CADM1: variants seen among roughly 807,000 people sequenced by gnomAD.
CADM1 encodes cell adhesion molecule 1, also known as TSLC-1.
In CADM1, 15 loss-of-function variants were observed where a neutral mutation model predicts 53.1. The observed-to-expected ratio is 0.28, with a 90% CI of 0.19 to 0.44. CADM1 has a LOEUF of 0.44. Ranked by LOEUF, CADM1 falls within the 20% of genes least tolerant of loss-of-function variation. CADM1 has a pLI of 1.00. For missense variants in CADM1, 434 were observed against 611.3 expected (o/e 0.71, Z 3.06); for synonymous variants, 281 against 243.0 (o/e 1.16, Z -1.45).
chr11:115,351,002 T>C (rs930138775), intron 1 of CADM1, among the ~76,000 whole-genome samples: 5 of 152,002 alleles, frequency 3.3e-5, no homozygotes, highest in African/African-American at 9.7e-5. Context: ...CCAGTGTATA[T>C]TAACATTCCT....
chr11:115,232,038 T>C (rs10458966), intron 3 of CADM1, among the ~76,000 whole-genome samples: 62,317 of 150,478 alleles, frequency 0.41, 14,943 homozygotes, highest in Non-Finnish European at 0.53. Flanking sequence ...CAACAACCAA[T>C]GTCTCACTCT....
At chr11:115,497,059 A>C (rs1458078283) in intron 1 of CADM1, among the ~76,000 whole-genome samples, 1 of 152,172 alleles carries the variant, frequency 6.6e-6, no homozygotes, top group Non-Finnish European at 1.5e-5. Context: ...CTCAATTCCA[A>C]CTAGACACTG....
At chr11:115,347,985 CT>C (rs1945626753) in intron 1 of CADM1, among the ~76,000 whole-genome samples, 1 of 152,164 alleles carries the variant, frequency 6.6e-6, no homozygotes, top group South Asian at 2.1e-4. Flanking sequence ...GCTCTACTTC[CT>C]TTTACACAAT....
intron 9 of CADM1, among the ~76,000 whole-genome samples, chr11:115,195,227 T>G (rs760799702): frequency 4.3e-4 from 65 of 152,336 alleles, no homozygotes; most frequent in Non-Finnish European, 7.2e-4. Flanking sequence ...GAAAATCCAC[T>G]TGATTTTGAA....
At chr11:115,295,698 C>A (rs1944059676) in intron 1 of CADM1, among the ~76,000 whole-genome samples, 1 of 151,432 alleles carries the variant, frequency 6.6e-6, no homozygotes, top group Non-Finnish European at 1.5e-5. Flanking sequence ...TCTAAAGGAT[C>A]TACTACAATC....
intron 1 of CADM1, among the ~76,000 whole-genome samples, chr11:115,284,132 G>A (rs1336491625): frequency 1.7e-4 from 12 of 69,598 alleles, no homozygotes; most frequent in Non-Finnish European, 2.6e-4. Flanking sequence ...GTGTGTGTGT[G>A]TGTGTGTGTG....
chr11:115,258,922 G>C (rs1942876998), intron 1 of CADM1, among the ~76,000 whole-genome samples: 1 of 152,104 alleles, frequency 6.6e-6, no homozygotes, highest in South Asian at 2.1e-4. Flanking sequence ...ACAAATGGTA[G>C]TCATAGGTGC....
At position 115,493,131 on chromosome 11, in the gene CADM1, T is replaced by C. The variant is rs191320531; in HGVS notation, c.124+11140A>G. 1.0e-3 allele frequency among the ~76,000 whole-genome samples: 152 copies of C among 152,028 alleles called. 1 individual carries two copies. Among genetic ancestry groups the C allele is most frequent in the Non-Finnish European group, 1.8e-3 (125 of 67,938 alleles). ...GGGGCAGGAAAATACAATGTAAACA[T>C]AGATATCTTCTTGTGACATGAAATA... is the stretch of plus-strand genomic sequence containing the variant. On this transcript the variant is annotated intron_variant, in intron 1 of 11. Transcript: ENST00000331581.
intron 10 of CADM1, among the ~76,000 whole-genome samples, chr11:115,179,664 C>T (rs182255129): frequency 6.6e-6 from 1 of 152,204 alleles, no homozygotes; most frequent in East Asian, 1.9e-4. Context: ...TAGTAAAAAA[C>T]AATTATTCTC....
At chr11:115,307,517 A>AAAT (rs10673324) in intron 1 of CADM1, among the ~76,000 whole-genome samples, 25,720 of 143,962 alleles carry the variant, frequency 0.18, 2,967 homozygotes, top group East Asian at 0.59. Flanking sequence ...GGAAAAAAAA[A>AAAT]ATATATATAT....
intron 1 of CADM1, among the ~76,000 whole-genome samples, chr11:115,271,277 TTTG>T (rs140375460): frequency 1.8e-4 from 27 of 151,948 alleles, no homozygotes; most frequent in South Asian, 6.2e-4. Flanking sequence ...TTGTTGTTGT[TTTG>T]TTGTTGTTGT....
At chr11:115,264,888 G>A (rs902136092) in intron 1 of CADM1, among the ~76,000 whole-genome samples, 1 of 152,100 alleles carries the variant, frequency 6.6e-6, no homozygotes, top group South Asian at 2.1e-4. Flanking sequence ...GGAATCGGGT[G>A]GGAATGGGGA....
At chr11:115,196,503 G>A (rs759668179) in intron 9 of CADM1, among the ~76,000 whole-genome samples, 2 of 149,992 alleles carry the variant, frequency 1.3e-5, no homozygotes, top group Admixed American at 1.3e-4. Flanking sequence ...TTATATCAGG[G>A]GTGTCCAATC....
chr11:115,196,479 A>G lies in CADM1; in HGVS notation c.1111+1927T>C, dbSNP rs372335187. On this transcript the variant is annotated intron_variant, in intron 9 of 11. Transcript: ENST00000331581. ...TTCAAGGATCTCACAGAATTTAGGA[A>G]TTGTATGGTTACATTATATCAGGGG... is the stretch of plus-strand genomic sequence containing the variant. Among the ~76,000 whole-genome samples, 8 of 151,580 alleles carry G rather than the reference A, an allele frequency of 5.3e-5. No individual in the cohort carries two copies. In the South Asian group the frequency reaches 1.7e-3, roughly 32 times the overall value.
Position 115,187,275 on chromosome 11 carries a change from A to G in CADM1, c.1165+3613T>C, listed in dbSNP as rs149189984. ...TAGGAAAGAGTTCCCCCTAAATGGT[A>G]CAGCTACTGACAGTTTCTCACACAC... On this transcript the variant is annotated intron_variant, in intron 10 of 11. Coordinates refer to ENST00000331581, the MANE Select transcript of CADM1 (RefSeq NM_001301043.2). Among the ~76,000 whole-genome samples the G allele has an allele frequency of 4.6e-4, 70 of 152,284 alleles. 1 individual carries two copies. The East Asian group carries it at 0.013, about 29-fold the overall frequency.
At position 115,340,861 on chromosome 11, in the gene CADM1, A is replaced by C. The variant is rs986154803; in HGVS notation, c.125-100441T>G. Among the ~76,000 whole-genome samples the C allele has an allele frequency of 2.7e-5, 4 of 150,236 alleles. No homozygotes were observed. In the East Asian group the frequency reaches 7.9e-4, roughly 30 times the overall value. Reference sequence around the variant, plus strand: ...TTTTTAGTAGAGACGGGGGTTTCTCAATGTTGGCCAGGCTGGTCTCAAACT... The same window carrying C: ...TTTTTAGTAGAGACGGGGGTTTCTCCATGTTGGCCAGGCTGGTCTCAAACT... On this transcript the variant is annotated intron_variant, in intron 1 of 11. Coordinates refer to ENST00000331581, the MANE Select transcript of CADM1 (RefSeq NM_001301043.2).
chr11:115,446,081 CAG>C (rs1948444478), intron 1 of CADM1, among the ~76,000 whole-genome samples: 1 of 152,104 alleles, frequency 6.6e-6, no homozygotes, highest in Non-Finnish European at 1.5e-5. Flanking sequence ...ATGACTAAGA[CAG>C]AGTCCCTGCC....
At chr11:115,414,867 A>G (rs1947554696) in intron 1 of CADM1, among the ~76,000 whole-genome samples, 1 of 152,208 alleles carries the variant, frequency 6.6e-6, no homozygotes, top group African/African-American at 2.4e-5. Context: ...TCACTTCCAC[A>G]ATGAAGTTCA....
intron 1 of CADM1, among the ~76,000 whole-genome samples, chr11:115,333,822 A>G (rs1945193506): frequency 6.6e-6 from 1 of 152,166 alleles, no homozygotes; most frequent in African/African-American, 2.4e-5. Flanking sequence ...ATAGGCTCAC[A>G]GTCATTTCAT....
Sources: allele counts gnomAD v4.1 joint callset (sites outside exome capture counted in the v4.1 genomes callset), GRCh38; gene constraint gnomAD v4.1.1; transcripts MANE v1.5; gene names NCBI Gene and HGNC (gene_info 2026-07-23, HGNC 2026-07-21).